The following MCC variants were observed in gnomAD, a reference collection of about 807,000 sequenced individuals.
MCC encodes the protein MCC regulator of Wnt signaling pathway, also known as colorectal mutant cancer protein.
MCC carries 90 observed loss-of-function variants against 116.2 expected under a neutral mutation model. The ratio of observed to expected loss-of-function variants is 0.77; its 90% CI spans 0.65 to 0.92. The LOEUF is 0.92. MCC is among the 40% of genes least tolerant of loss of function. The pLI is 0.00. For missense variants in MCC, 1,516 were observed against 1,312.2 expected (o/e 1.16, Z -2.40); for synonymous variants, 578 against 510.5 (o/e 1.13, Z -1.78).
rs1310245452 is a variant in MCC at position 113,025,327 on chromosome 5, T to A, written c.*1975A>T. ...CAACTTTATATGAAAAGTGAAAAAT[T>A]CTAAAAAATCACAGGAATGGCCAGG... On this transcript the variant is annotated 3_prime_UTR_variant, in exon 19 of 19. Transcript: ENST00000408903. The A allele has an allele frequency of 6.6e-6, 1 of 151,678 alleles. No homozygotes were observed. The highest frequency in any genetic ancestry group is 1.5e-5 in the Non-Finnish European group (1 of 67,914). 9.4% of individuals were successfully genotyped at this position (151,678 alleles called of 1,614,324 possible).
intron 5 of MCC, among the ~76,000 whole-genome samples, chr5:113,139,660 T>C (rs1236986616): frequency 6.6e-6 from 1 of 152,108 alleles, no homozygotes; most frequent in African/African-American, 2.4e-5. Flanking sequence ...TTGGTGGGAG[T>C]GTAAATTAGT....
intron 5 of MCC, among the ~76,000 whole-genome samples, chr5:113,127,996 A>C (rs1299363516): frequency 6.6e-6 from 1 of 152,204 alleles, no homozygotes. Context: ...TAATGTCATG[A>C]CTGAAGGAAA....
At chr5:113,419,123 T>C (rs1337822632) in intron 1 of MCC, among the ~76,000 whole-genome samples, 3 of 152,044 alleles carry the variant, frequency 2.0e-5, no homozygotes, top group Non-Finnish European at 2.9e-5. Context: ...TGCTAATAGG[T>C]ATGAGGTTTC....
At chr5:113,197,231 G>A (rs1477967704) in intron 3 of MCC, among the ~76,000 whole-genome samples, 3 of 152,020 alleles carry the variant, frequency 2.0e-5, no homozygotes, top group Admixed American at 6.6e-5. Context: ...TCAAAAGGGG[G>A]AATTTTTTTT....
chr5:113,265,708 C>A (rs766214406), intron 3 of MCC, among the ~76,000 whole-genome samples: 1 of 152,126 alleles, frequency 6.6e-6, no homozygotes. Context: ...CCCTTCTCCA[C>A]GCACCCAACT....
intron 1 of MCC, among the ~76,000 whole-genome samples, chr5:113,385,525 C>A (rs1289134529): frequency 1.3e-5 from 2 of 152,182 alleles, no homozygotes; most frequent in Non-Finnish European, 2.9e-5. Flanking sequence ...TCTTTCTTTA[C>A]ACCTGAAGAG....
At chr5:113,315,709 A>C (rs1224367846) in intron 3 of MCC, among the ~76,000 whole-genome samples, 14 of 141,438 alleles carry the variant, frequency 9.9e-5, no homozygotes, top group Admixed American at 2.0e-4. Flanking sequence ...CTCTACAAAA[A>C]AAAAAAAAAA....
chr5:113,072,024 G>T (rs991207187), intron 11 of MCC, among the ~76,000 whole-genome samples: 3 of 152,222 alleles, frequency 2.0e-5, no homozygotes, highest in African/African-American at 7.2e-5. Flanking sequence ...CTGTGGCAAA[G>T]TTAGCAAACA....
At position 113,027,001 on chromosome 5, in the gene MCC, A is replaced by G. The variant is rs962421039; in HGVS notation, c.*301T>C. 22 of 335,448 alleles carry G rather than the reference A, an allele frequency of 6.6e-5. No homozygotes were observed. The highest frequency in any genetic ancestry group is 1.2e-4 in the Non-Finnish European group (22 of 185,936). The allele number at this position is 335,448 out of a possible 1,614,324, so 20.8% of individuals were successfully genotyped here. ...ACTGATGCACAGCCGCCAGACCAGA[A>G]GAGGAGGGGGAGAGTGAGTGCTGAA... On this transcript the variant is annotated 3_prime_UTR_variant, in exon 19 of 19. Coordinates refer to ENST00000408903, the MANE Select transcript of MCC (RefSeq NM_001085377.2).
chr5:113,104,105 T>A lies in MCC; in HGVS notation c.1191+87A>T, dbSNP rs1581067209. The A allele has an allele frequency of 1.3e-5, 17 of 1,315,848 alleles. No individual in the cohort carries two copies. In the East Asian group the frequency reaches 4.0e-4, roughly 31 times the overall value. 81.5% of individuals were successfully genotyped at this position (1,315,848 alleles called of 1,614,324 possible). A position where few individuals can be genotyped will look rare whatever the true frequency, so the allele number is the denominator to read the frequency against. The stretch of plus-strand genomic sequence containing the variant: ...TGGAAACATTCATCCCTAGTAAGTA[T>A]TTAAGAAAACTGCACTTCAAGAGAA... On this transcript the variant is annotated intron_variant, in intron 7 of 18. Transcript: ENST00000408903.
At chr5:113,155,347 G>A (rs1760113225) in intron 3 of MCC, among the ~76,000 whole-genome samples, 1 of 152,140 alleles carries the variant, frequency 6.6e-6, no homozygotes, top group African/African-American at 2.4e-5. Flanking sequence ...GATAAACATG[G>A]GGATACAGGT....
intron 3 of MCC, among the ~76,000 whole-genome samples, chr5:113,275,430 A>G (rs1179978993): frequency 2.0e-5 from 3 of 152,234 alleles, no homozygotes; most frequent in African/African-American, 7.2e-5. Flanking sequence ...TAAAATACAG[A>G]AACACTAGCA....
chr5:113,121,495 A>G (rs1757733213), intron 6 of MCC, among the ~76,000 whole-genome samples: 1 of 152,014 alleles, frequency 6.6e-6, no homozygotes, highest in South Asian at 2.1e-4. Flanking sequence ...ACTGGATGCT[A>G]TTCTCTTCCT....
At chr5:113,353,916 G>A (rs1054317475) in intron 2 of MCC, among the ~76,000 whole-genome samples, 7 of 152,118 alleles carry the variant, frequency 4.6e-5, no homozygotes. Flanking sequence ...ACTGACAAAG[G>A]TCACTTCTAG....
At chr5:113,441,335 T>C (rs1192200793) in intron 1 of MCC, among the ~76,000 whole-genome samples, 1 of 149,982 alleles carries the variant, frequency 6.7e-6, no homozygotes, top group East Asian at 2.0e-4. Flanking sequence ...TGAGACACTG[T>C]CTCAAAACAA....
intron 3 of MCC, among the ~76,000 whole-genome samples, chr5:113,252,917 T>A (rs958115885): frequency 6.6e-6 from 1 of 152,268 alleles, no homozygotes; most frequent in African/African-American, 2.4e-5. Flanking sequence ...AGCATTTGCT[T>A]CTTGCAAGGG....
chr5:113,403,762 G>A (rs557927154), intron 1 of MCC, among the ~76,000 whole-genome samples: 1 of 152,308 alleles, frequency 6.6e-6, no homozygotes, highest in African/African-American at 2.4e-5. Flanking sequence ...CAGACCCAGG[G>A]GTGAGAATGT....
intron 6 of MCC, among the ~76,000 whole-genome samples, chr5:113,111,747 AT>A (rs1270594019): frequency 2.6e-5 from 4 of 152,208 alleles, no homozygotes; most frequent in African/African-American, 9.7e-5. Context: ...CCAGGAACCT[AT>A]CAACGACGTT....
chr5:113,392,641 A>G (rs1160943902), intron 1 of MCC, among the ~76,000 whole-genome samples: 1 of 152,202 alleles, frequency 6.6e-6, no homozygotes, highest in Non-Finnish European at 1.5e-5. Context: ...AAGAATTGAG[A>G]AGAGGTTAAC....
Sources: allele counts gnomAD v4.1 joint callset (sites outside exome capture counted in the v4.1 genomes callset), GRCh38; gene constraint gnomAD v4.1.1; transcripts MANE v1.5; gene names NCBI Gene and HGNC (gene_info 2026-07-23, HGNC 2026-07-21).